CHL1: variants seen among roughly 807,000 people sequenced by gnomAD.
The protein encoded by CHL1 is cell adhesion molecule L1 like, also known as neural cell adhesion molecule L1-like protein.
A neutral mutation model predicts 141.9 loss-of-function variants in CHL1; 96 were observed. That is an observed-to-expected ratio of 0.68 (90% CI 0.57 to 0.80). The LOEUF (loss-of-function observed/expected upper bound fraction) is 0.80. Ranked by LOEUF, CHL1 falls within the 30% of genes least tolerant of loss-of-function variation. The pLI, the probability that CHL1 is intolerant of heterozygous loss-of-function variation, is 0.00. For missense variants in CHL1, 1,820 were observed against 1,457.2 expected (o/e 1.25, Z -4.05); for synonymous variants, 613 against 502.2 (o/e 1.22, Z -2.95).
chr3:394,426 A>G (rs1708495561), intron 23 of CHL1, among the ~76,000 whole-genome samples: 1 of 152,182 alleles, frequency 6.6e-6, no homozygotes, highest in East Asian at 1.9e-4. Flanking sequence ...TCTGGGGTCA[A>G]AAGGCCATGG....
At chr3:306,969 A>G (rs1054324124) in intron 2 of CHL1, among the ~76,000 whole-genome samples, 1 of 152,236 alleles carries the variant, frequency 6.6e-6, no homozygotes, top group Non-Finnish European at 1.5e-5. Flanking sequence ...TACTTTAAAT[A>G]CAACCTGAGA....
intron 1 of CHL1, among the ~76,000 whole-genome samples, chr3:217,048 G>A (rs1402114777): frequency 6.6e-6 from 1 of 152,152 alleles, no homozygotes; most frequent in Non-Finnish European, 1.5e-5. Flanking sequence ...GCAGGGGAAG[G>A]AAATTTTCAG....
chr3:365,861 T>C, intron 14 of CHL1, 89 bp from the exon 15 acceptor site: 1 of 940,198 alleles, frequency 1.1e-6, no homozygotes, highest in South Asian at 1.6e-5. Context: ...ACAGTTATGG[T>C]GACAATTTGG....
chr3:387,904 A>G (rs544427727), intron 19 of CHL1, among the ~76,000 whole-genome samples: 11 of 152,194 alleles, frequency 7.2e-5, no homozygotes, highest in African/African-American at 2.4e-4. Flanking sequence ...ACTTAAAATT[A>G]TTTTGCTGAT....
intron 3 of CHL1, among the ~76,000 whole-genome samples, chr3:322,672 T>A (rs930447033): frequency 3.5e-4 from 45 of 127,864 alleles, no homozygotes; most frequent in Non-Finnish European, 6.2e-4. Flanking sequence ...ATATATATAA[T>A]TATATATATA....
intron 3 of CHL1, among the ~76,000 whole-genome samples, chr3:323,593 A>G (rs746277601): frequency 6.6e-6 from 1 of 152,132 alleles, no homozygotes; most frequent in Non-Finnish European, 1.5e-5. Flanking sequence ...AAAGGACTCT[A>G]AAATTTCCCA....
chr3:243,859 G>A (rs1692900314), intron 1 of CHL1, among the ~76,000 whole-genome samples: 1 of 152,098 alleles, frequency 6.6e-6, no homozygotes, highest in African/African-American at 2.4e-5. Flanking sequence ...ATGACAGCTG[G>A]TATGCAAAAA....
At chr3:338,257 T>C (rs1702088275) in intron 5 of CHL1, among the ~76,000 whole-genome samples, 1 of 152,198 alleles carries the variant, frequency 6.6e-6, no homozygotes, top group Non-Finnish European at 1.5e-5. Context: ...TTGGTTTTGG[T>C]GTTGATGAAG....
chr3:341,763 T>C, intron 6 of CHL1, 149 bp from the exon 7 acceptor site: 1 of 590,140 alleles, frequency 1.7e-6, no homozygotes, highest in Non-Finnish European at 2.8e-6. Flanking sequence ...TATTTGCTCA[T>C]TGTTCCTGTA....
intron 1 of CHL1, among the ~76,000 whole-genome samples, chr3:202,394 C>T (rs1699032866): frequency 6.6e-6 from 1 of 152,098 alleles, no homozygotes; most frequent in Non-Finnish European, 1.5e-5. Flanking sequence ...ACTGTTGATT[C>T]CTACATTAAT....
At chr3:220,252 T>C (rs1044038197) in intron 1 of CHL1, among the ~76,000 whole-genome samples, 1 of 152,192 alleles carries the variant, frequency 6.6e-6, no homozygotes, top group African/African-American at 2.4e-5. Flanking sequence ...GAATTGTACC[T>C]TTACAAATTT....
intron 2 of CHL1, among the ~76,000 whole-genome samples, chr3:306,464 G>A (rs1165154353): frequency 1.5e-4 from 23 of 152,008 alleles, no homozygotes; most frequent in Admixed American, 1.5e-3. Flanking sequence ...AACAACCACT[G>A]GGATGTGATT....
intron 1 of CHL1, among the ~76,000 whole-genome samples, chr3:242,379 G>C (rs560822340): frequency 2.1e-5 from 3 of 142,732 alleles, no homozygotes; most frequent in Admixed American, 1.4e-4. Flanking sequence ...GGCAGATCAC[G>C]AGGTCAGGAG....
rs150271949 is a variant in CHL1 at position 261,566 on chromosome 3, A to G, written c.-95+16874A>G. On this transcript the variant is annotated intron_variant, in intron 2 of 27. Coordinates refer to ENST00000256509, the MANE Select transcript of CHL1 (RefSeq NM_006614.4). ...AAAGTCACAAACTCATTGAGCTAAG[A>G]TCTTACTTGTAAAATATATGAATTA... 1.9e-3 allele frequency among the ~76,000 whole-genome samples: 284 copies of G among 152,280 alleles called. 1 individual carries two copies. The highest frequency in any genetic ancestry group is 6.5e-3 in the African/African-American group (271 of 41,564).
chr3:232,704 TTC>T (rs951223363), intron 1 of CHL1, among the ~76,000 whole-genome samples: 4 of 152,138 alleles, frequency 2.6e-5, no homozygotes, highest in African/African-American at 9.7e-5. Flanking sequence ...CATTTATATA[TTC>T]TCATTGCCAC....
At chr3:314,283 T>C (rs1394737427) in intron 2 of CHL1, among the ~76,000 whole-genome samples, 3 of 127,962 alleles carry the variant, frequency 2.3e-5, no homozygotes, top group South Asian at 2.6e-4. Flanking sequence ...TAGCATAACC[T>C]CCCCCCAATC....
intron 11 of CHL1, among the ~76,000 whole-genome samples, chr3:355,439 C>T (rs1703626626): frequency 6.6e-6 from 1 of 152,236 alleles, no homozygotes. Context: ...TTTCACCATG[C>T]TCAGCATAGA....
At chr3:205,881 C>T (rs1168729704) in intron 1 of CHL1, among the ~76,000 whole-genome samples, 3 of 152,166 alleles carry the variant, frequency 2.0e-5, no homozygotes, top group Non-Finnish European at 4.4e-5. Context: ...GTAAGCTGGG[C>T]GATGCAGACA....
intron 1 of CHL1, among the ~76,000 whole-genome samples, chr3:199,843 A>G (rs953896254): frequency 6.6e-6 from 1 of 152,242 alleles, no homozygotes; most frequent in Non-Finnish European, 1.5e-5. Context: ...CTTTTATAGA[A>G]AAATAAGGGT....
Sources: gnomAD v4.1 joint callset for allele counts (sites outside exome capture counted in the v4.1 genomes callset) on GRCh38, gnomAD v4.1.1 for gene constraint, MANE v1.5 for transcripts, NCBI Gene and HGNC (gene_info 2026-07-23, HGNC 2026-07-21) for gene names.